FANCI: variants seen among roughly 807,000 people sequenced by gnomAD.
The protein encoded by FANCI is Fanconi anemia group I protein.
Under a neutral mutation model 176.1 loss-of-function variants are expected in FANCI, and 156 were observed. The observed-to-expected ratio is 0.89, with a 90% CI of 0.78 to 1.01. The LOEUF (loss-of-function observed/expected upper bound fraction) is 1.01, where lower values mean the gene tolerates loss of function less well. Among genes scored for constraint, FANCI ranks in the 50% least tolerant of loss-of-function variants. FANCI has a pLI of 0.00. For missense variants in FANCI, 1,678 were observed against 1,534.1 expected (o/e 1.09, Z -1.57); for synonymous variants, 613 against 541.7 (o/e 1.13, Z -1.83).
chr15:89,308,153 GT>G, intron 34 of FANCI: 3 of 1,058,860 alleles, frequency 2.8e-6, no homozygotes, highest in Non-Finnish European at 3.4e-6. Flanking sequence ...CTCCTTTACT[GT>G]TTGCTTAAAC....
In FANCI at chr15:89,316,805, C is replaced by T. The variant is rs770992948; in HGVS notation, c.*346C>T. The T allele has an allele frequency of 4.3e-6, 7 of 1,613,802 alleles. No homozygotes were observed. Among genetic ancestry groups the T allele is most frequent in the Admixed American group, 1.7e-5 (1 of 60,004 alleles). ...AGGAGCCTTTGGTGAGTTCAATTAT[C>T]TGGTAAATATCCAGCGCTTCACCTG... On this transcript the variant is annotated 3_prime_UTR_variant, in exon 38 of 38. Coordinates refer to ENST00000310775, the MANE Select transcript of FANCI (RefSeq NM_001113378.2).
chr15:89,296,651 C>A (rs34026288), intron 24 of FANCI, among the ~76,000 whole-genome samples: 1 of 151,868 alleles, frequency 6.6e-6, no homozygotes, highest in Non-Finnish European at 1.5e-5. Flanking sequence ...ACCTTTCCCC[C>A]CTTTCTATTC....
chr15:89,288,069 A>C (rs1174457694), intron 18 of FANCI, among the ~76,000 whole-genome samples: 1 of 152,204 alleles, frequency 6.6e-6, no homozygotes, highest in African/African-American at 2.4e-5. Context: ...GGTTGCCACA[A>C]ACCTTTAATT....
intron 9 of FANCI, among the ~76,000 whole-genome samples, chr15:89,265,921 T>C (rs1214241727): frequency 6.6e-6 from 1 of 152,164 alleles, no homozygotes; most frequent in African/African-American, 2.4e-5. Context: ...TACCTCTACT[T>C]TATGGATATG....
chr15:89,268,176 C>T (rs1321157122), intron 9 of FANCI, among the ~76,000 whole-genome samples: 1 of 152,298 alleles, frequency 6.6e-6, no homozygotes, highest in African/African-American at 2.4e-5. Flanking sequence ...CTCACGGCAA[C>T]GTCCACCTTC....
intron 9 of FANCI, among the ~76,000 whole-genome samples, chr15:89,267,210 C>A (rs2052999980): frequency 6.6e-6 from 1 of 151,864 alleles, no homozygotes; most frequent in Non-Finnish European, 1.5e-5. Flanking sequence ...GTCCCAACTA[C>A]TTGGGAGGCT....
chr15:89,273,651 A>T (rs1161262708), intron 11 of FANCI, among the ~76,000 whole-genome samples, 182 bp downstream of exon 11: 1 of 152,160 alleles, frequency 6.6e-6, no homozygotes, highest in African/African-American at 2.4e-5. Context: ...ATTGATGGAA[A>T]ACTTTTACAG....
At position 89,276,707 on chromosome 15, in the gene FANCI, G is replaced by C; in HGVS notation, c.1113-4G>C. On this transcript the variant is annotated splice_region_variant and splice_polypyrimidine_tract_variant and intron_variant, in intron 12 of 37. Coordinates refer to ENST00000310775, the MANE Select transcript of FANCI (RefSeq NM_001113378.2). ...TTTTTTAACTAAGCTTTGTGTTCTT[G>C]TAGCGTTCATAGCTGGGACCATGTT... 1.2e-6 allele frequency: 2 copies of C among 1,614,106 alleles called. No individual in the cohort carries two copies. Among genetic ancestry groups the C allele is most frequent in the Non-Finnish European group, 1.7e-6 (2 of 1,180,002 alleles).
chr15:89,280,320 A>T (rs1374231669), intron 14 of FANCI, among the ~76,000 whole-genome samples: 1 of 152,172 alleles, frequency 6.6e-6, no homozygotes, highest in Non-Finnish European at 1.5e-5. Context: ...ACACCTGGCC[A>T]AATTGTCAGC....
intron 34 of FANCI, among the ~76,000 whole-genome samples, chr15:89,309,907 T>C (rs1417217248): frequency 6.6e-6 from 1 of 152,238 alleles, no homozygotes; most frequent in Admixed American, 6.5e-5. Flanking sequence ...AAAAGTCACA[T>C]TGTCTAATAA....
chr15:89,251,626 A>AT, intron 2 of FANCI, among the ~76,000 whole-genome samples: 1 of 152,338 alleles, frequency 6.6e-6, no homozygotes, highest in East Asian at 1.9e-4. Flanking sequence ...TAGGGGACAG[A>AT]TTGCAACACC....
chr15:89,313,031 C>T lies in FANCI; in HGVS notation c.3720+59C>T, dbSNP rs543065794. On this transcript the variant is annotated intron_variant, in intron 35 of 37. Transcript: ENST00000310775. Reference sequence around the variant, plus strand: ...TGTTGGTGAACCCGAAAACATGAAGCGGAAGAAGCCAGTGACAAAAAGACC... The same window carrying T: ...TGTTGGTGAACCCGAAAACATGAAGTGGAAGAAGCCAGTGACAAAAAGACC... The T allele has an allele frequency of 1.3e-4, 195 of 1,492,204 alleles. 3 individuals are homozygous for T. In the South Asian group the frequency reaches 1.9e-3, roughly 15 times the overall value. 92.4% of individuals were successfully genotyped at this position (1,492,204 alleles called of 1,614,324 possible). A position where few individuals can be genotyped will look rare whatever the true frequency, so the allele number is the denominator to read the frequency against.
chr15:89,290,343 G>A (rs1313334145), intron 19 of FANCI, 62 bp downstream of exon 19: 14 of 1,277,396 alleles, frequency 1.1e-5, no homozygotes, highest in Non-Finnish European at 1.6e-5. Context: ...GACAGTTGAT[G>A]GTTTTCAGAC....
At chr15:89,266,075 C>T (rs2052941819) in intron 9 of FANCI, among the ~76,000 whole-genome samples, 1 of 149,480 alleles carries the variant, frequency 6.7e-6, no homozygotes, top group Admixed American at 6.7e-5. Flanking sequence ...TAGCTCACTA[C>T]AGCCTCCAAT....
chr15:89,281,286 C>T lies in FANCI; in HGVS notation c.1498C>T (p.Leu500Phe). The T allele has an allele frequency of 6.2e-7, 1 of 1,613,754 alleles. No individual in the cohort carries two copies. Among genetic ancestry groups the T allele is most frequent in the South Asian group, 1.1e-5 (1 of 91,074 alleles). Residue 500 changes from leucine to phenylalanine, a missense_variant, in exon 15 of 38, where the codon CTT becomes TTT. Physicochemically the swap from Leu to Phe is conservative, Grantham distance 22 (BLOSUM62 0). This residue lies in a region of FANCI where 1,204 missense variants were observed against 1,077.4 expected (regional missense o/e 1.12). Coordinates refer to ENST00000310775, the MANE Select transcript of FANCI (RefSeq NM_001113378.2). ...FLPLQTVQRL[L>F]KAVQPLLKVS... is the part of the protein sequence containing the mutation. ...GCCCCTTCAGACTGTACAAAGGCTG[C>T]TTAAGGCAGTGCAGGTAAGTCTTCA... is the stretch of plus-strand genomic sequence containing the variant.
Position 89,307,643 on chromosome 15 carries a change from C to G in FANCI, c.3622C>G (p.Leu1208Val), listed in dbSNP as rs1448880215. ...GCTGTCTGGTTCTCATCTGACCCCC[C>G]TGTGTTATTCTTTCATTTCTTACGT... ...VKLSGSHLTP[L>V]CYSFISYVQN... The change falls in exon 34 of 38, where the codon CTG becomes GTG. Residue 1208 changes from leucine (L) to valine (V), a missense_variant. By Grantham distance (32) the Leu-to-Val change is conservative. Around this residue, in one of 3 missense-constraint regions of FANCI, gnomAD observed 1,204 missense variants for 1,077.4 expected, o/e 1.12. Coordinates refer to ENST00000310775, the MANE Select transcript of FANCI (RefSeq NM_001113378.2). 6.2e-7 allele frequency: 1 copy of G among 1,614,098 alleles called. No individual in the cohort carries two copies. The highest frequency in any genetic ancestry group is 8.5e-7 in the Non-Finnish European group (1 of 1,179,988).
chr15:89,272,281 T>G (rs1176449772), intron 10 of FANCI, among the ~76,000 whole-genome samples: 1 of 152,228 alleles, frequency 6.6e-6, no homozygotes, highest in Non-Finnish European at 1.5e-5. Context: ...CTTTTGCCCG[T>G]TTTTTGAGTG....
At chr15:89,247,057 C>T (rs914753229) in intron 1 of FANCI, among the ~76,000 whole-genome samples, 3 of 149,596 alleles carry the variant, frequency 2.0e-5, no homozygotes, top group African/African-American at 7.4e-5. Flanking sequence ...GCATGAGCCA[C>T]GGTGCCGGCC....
intron 12 of FANCI, 115 bp downstream of exon 12, chr15:89,274,419 C>T (rs1001533313): frequency 1.4e-5 from 16 of 1,131,654 alleles, no homozygotes; most frequent in East Asian, 7.4e-5. Flanking sequence ...CAGCTGTTGA[C>T]GTCACACATC....
Sources: allele counts gnomAD v4.1 joint callset (sites outside exome capture counted in the v4.1 genomes callset), GRCh38; gene constraint gnomAD v4.1.1; regional missense constraint gnomAD v4.1.1; transcripts MANE v1.5; gene names NCBI Gene and HGNC (gene_info 2026-07-23, HGNC 2026-07-21).